The following CEP20 variants were observed in gnomAD, a reference collection of about 807,000 sequenced individuals.
The protein encoded by CEP20 is FGFR1OP N-terminal like.
Under a neutral mutation model 20.0 loss-of-function variants are expected in CEP20, and 18 were observed. The ratio of observed to expected loss-of-function variants is 0.90; its 90% CI spans 0.62 to 1.34. CEP20 has a LOEUF of 1.34. Among genes scored for constraint, CEP20 ranks in the 40% most tolerant of loss-of-function variants. The pLI is 0.00. For synonymous variants in CEP20, 77 were observed against 73.7 expected (o/e 1.04, Z -0.23); for missense variants, 215 against 201.6 (o/e 1.07, Z -0.40).
Position 15,884,130 on chromosome 16 carries a change from G to A in CEP20, c.104C>T (p.Ala35Val). The change falls in exon 2 of 5, where the codon GCC becomes GTC. Residue 35 changes from alanine to valine, a missense_variant. Physicochemically the swap from Ala to Val is moderately conservative, Grantham distance 64. Coordinates refer to ENST00000255759, the MANE Select transcript of CEP20 (RefSeq NM_144600.4). ...KARIRAEVFN[A>V]LDDDREPRPS... is the part of the protein sequence containing the mutation. ...TCGGGGTTCACGGTCATCATCTAGG[G>A]CATTGAAAACTTCAGCTCGGATCCT... is the stretch of plus-strand genomic sequence containing the variant. 4 of 1,614,028 alleles carry A rather than the reference G, an allele frequency of 2.5e-6. No homozygotes were observed. The highest frequency in any genetic ancestry group is 3.4e-6 in the Non-Finnish European group (4 of 1,179,982).
chr16:15,872,992 T>C (rs1328051603), intron 4 of CEP20, among the ~76,000 whole-genome samples: 3 of 151,996 alleles, frequency 2.0e-5, no homozygotes, highest in Non-Finnish European at 2.9e-5. Flanking sequence ...AATCACTTGA[T>C]AAAAAGCTAT....
chr16:15,885,628 T>A (rs767273518), intron 1 of CEP20: 3 of 152,188 alleles, frequency 2.0e-5, no homozygotes, highest in Non-Finnish European at 4.4e-5. Context: ...CCTGACCTCG[T>A]GATCCACCCG....
chr16:15,878,311 GAAC>G (rs1353169414), intron 3 of CEP20, among the ~76,000 whole-genome samples: 3 of 152,148 alleles, frequency 2.0e-5, no homozygotes, highest in Non-Finnish European at 4.4e-5. Flanking sequence ...TGAGCAGATA[GAAC>G]AACAGACGGG....
intron 2 of CEP20, among the ~76,000 whole-genome samples, chr16:15,880,928 C>A (rs2045082254): frequency 1.3e-5 from 2 of 151,852 alleles, no homozygotes; most frequent in Admixed American, 6.6e-5. Flanking sequence ...CCAGATGGGA[C>A]CATCTAGTTG....
chr16:15,879,804 A>G lies in CEP20; in HGVS notation c.311T>C (p.Ile104Thr), dbSNP rs371305543. 7.0e-6 allele frequency: 11 copies of G among 1,568,200 alleles called. No individual in the cohort carries two copies. The highest frequency in any genetic ancestry group is 1.4e-5 in the African/African-American group (1 of 72,264). The change falls in exon 3 of 5, where the codon ATA becomes ACA. Residue 104 changes from isoleucine (I) to threonine (T), a missense_variant and splice_region_variant. Ile to Thr is a moderately conservative substitution (Grantham distance 89). Transcript: ENST00000255759. ...NAFEESKDNT[I>T]PLLYGILAHF... Reference sequence around the variant, plus strand: ...AAACTTCTTTAAAAAAATGTCTTACATTGTATTATCCTTTGATTCTTCAAA... The same window carrying G: ...AAACTTCTTTAAAAAAATGTCTTACGTTGTATTATCCTTTGATTCTTCAAA...
Position 15,866,636 on chromosome 16 carries a change from G to A in CEP20, c.*804C>T, listed in dbSNP as rs968194553. ...CTCATCTGTGATTGCACAACCGAGG[G>A]CCACACGGAGATTAAACAATGCCAT... On this transcript the variant is annotated 3_prime_UTR_variant, in exon 5 of 5. Transcript: ENST00000255759. The A allele has an allele frequency of 6.6e-6, 1 of 152,150 alleles. No homozygotes were observed. The highest frequency in any genetic ancestry group is 1.5e-5 in the Non-Finnish European group (1 of 68,026). 9.4% of individuals were successfully genotyped at this position (152,150 alleles called of 1,614,324 possible).
In CEP20 at chr16:15,888,574, C is replaced by A; in HGVS notation, c.12G>T (p.Val4=). 1.2e-6 allele frequency: 2 copies of A among 1,614,180 alleles called. No homozygotes were observed. The highest frequency in any genetic ancestry group is 4.5e-5 in the East Asian group (2 of 44,874). Residue 4 remains valine, a synonymous_variant, in exon 1 of 5, where the codon GTG becomes GTT. Transcript: ENST00000255759. MAT[V]AELKAVLKDT... ...CGCACTCACCAGCCTTCAACTCTGC[C>A]ACAGTCGCCATTTTTCAACGGCCGC...
In CEP20 at chr16:15,884,106, C is replaced by G. The variant is rs1346032676; in HGVS notation, c.128G>C (p.Arg43Pro). 3.7e-6 allele frequency: 6 copies of G among 1,613,984 alleles called. No individual in the cohort carries two copies. Among genetic ancestry groups the G allele is most frequent in the Non-Finnish European group, 5.1e-6 (6 of 1,180,016 alleles). ...AAGGTTTTCATGAGACAATGATGGT[C>G]GGGGTTCACGGTCATCATCTAGGGC... ...FNALDDDREP[R>P]PSLSHENLLI... Residue 43 changes from arginine to proline, a missense_variant, in exon 2 of 5, where the codon CGA becomes CCA. Transcript: ENST00000255759.
At chr16:15,886,523 G>C (rs978049156) in intron 1 of CEP20, among the ~76,000 whole-genome samples, 3 of 152,152 alleles carry the variant, frequency 2.0e-5, no homozygotes, top group Non-Finnish European at 2.9e-5. Context: ...ACTCTGTATT[G>C]CACACAGGAC....
At chr16:15,882,948 C>T (rs62031723) in intron 2 of CEP20, 16,577 of 152,046 alleles carry the variant, frequency 0.11, 855 homozygotes, top group Middle Eastern at 0.17. Flanking sequence ...GCAGCACACA[C>T]CTGTAGTTCC....
chr16:15,887,530 C>G (rs1009172274), intron 1 of CEP20, among the ~76,000 whole-genome samples: 1 of 152,204 alleles, frequency 6.6e-6, no homozygotes, highest in African/African-American at 2.4e-5. Context: ...CCAGTGAAAT[C>G]ACTTTGAGCT....
At chr16:15,879,174 G>A (rs2045038447) in intron 3 of CEP20, among the ~76,000 whole-genome samples, 2 of 152,176 alleles carry the variant, frequency 1.3e-5, no homozygotes, top group Admixed American at 6.6e-5. Context: ...TAATAGTAAC[G>A]AAAGCAGTGG....
intron 3 of CEP20, 39 bp from the exon 4 acceptor site, chr16:15,873,666 TA>T: frequency 6.3e-7 from 1 of 1,577,154 alleles, no homozygotes; most frequent in Non-Finnish European, 8.6e-7. Flanking sequence ...CAAAAGCTAA[TA>T]AATCTGCATA....
intron 3 of CEP20, among the ~76,000 whole-genome samples, chr16:15,875,064 C>CT (rs747131412): frequency 6.6e-6 from 1 of 152,222 alleles, no homozygotes; most frequent in African/African-American, 2.4e-5. Context: ...CTGAGCTAGA[C>CT]TTACGTGACT....
chr16:15,867,854 T>C (rs1198718737), intron 4 of CEP20, among the ~76,000 whole-genome samples: 1 of 151,142 alleles, frequency 6.6e-6, no homozygotes, highest in Non-Finnish European at 1.5e-5. Context: ...GCGCCTGTAA[T>C]CCCAGCTACT....
chr16:15,872,822 C>A (rs777802442), intron 4 of CEP20, among the ~76,000 whole-genome samples: 1 of 151,524 alleles, frequency 6.6e-6, no homozygotes, highest in Non-Finnish European at 1.5e-5. Flanking sequence ...ATTTAAAAAA[C>A]AGGCAATCTG....
chr16:15,877,909 A>C (rs979623857), intron 3 of CEP20, among the ~76,000 whole-genome samples: 8 of 152,076 alleles, frequency 5.3e-5, no homozygotes, highest in African/African-American at 1.9e-4. Flanking sequence ...TATGAAAAAA[A>C]ATTAGCTGGG....
At chr16:15,868,791 T>C (rs72773953) in intron 4 of CEP20, among the ~76,000 whole-genome samples, 10,142 of 152,232 alleles carry the variant, frequency 0.067, 462 homozygotes, top group East Asian at 0.22. Context: ...CCTCAGAAGG[T>C]AACAATTTTA....
intron 4 of CEP20, among the ~76,000 whole-genome samples, chr16:15,868,950 C>T (rs1017282661): frequency 6.6e-5 from 10 of 151,920 alleles, no homozygotes; most frequent in African/African-American, 2.4e-4. Flanking sequence ...CAGCTGTAGT[C>T]CCAGCTACTT....
Sources: gnomAD v4.1 joint callset for allele counts (sites outside exome capture counted in the v4.1 genomes callset) on GRCh38, gnomAD v4.1.1 for gene constraint, MANE v1.5 for transcripts, NCBI Gene and HGNC (gene_info 2026-07-23, HGNC 2026-07-21) for gene names.